Variants in RNF19B observed in about 807,000 individuals in gnomAD.
RNF19B encodes the protein ring finger protein 19B.
A neutral mutation model predicts 65.5 loss-of-function variants in RNF19B; 23 were observed. That is an observed-to-expected ratio of 0.35 (90% confidence interval 0.25 to 0.50). The LOEUF (loss-of-function observed/expected upper bound fraction) is 0.50, where lower values mean the gene tolerates loss of function less well. RNF19B is among the 20% of genes least tolerant of loss of function. The probability of loss-of-function intolerance (pLI) is 0.98; values close to 1 mark genes in which losing one functional copy is unlikely to be tolerated. For missense variants in RNF19B, 794 were observed against 980.0 expected, an observed-to-expected ratio of 0.81 and a Z score of 2.53; for synonymous variants, 372 against 379.6, an observed-to-expected ratio of 0.98 and a Z score of 0.23.
intron 7 of RNF19B, among the ~76,000 whole-genome samples, chr1:32,939,751 T>C (rs1642188721): frequency 2.0e-5 from 3 of 152,354 alleles, no homozygotes; most frequent in South Asian, 4.1e-4. Context: ...TATTTCCTTA[T>C]AATGGGTTTC....
rs776423739 is a variant in RNF19B at position 32,945,622 on chromosome 1, T to C, written c.1153A>G (p.Ser385Gly). The part of the protein sequence containing the change: ...IPVYVGRKIH[S>G]RYEGRKTSKH... ...GAGGTTTTCCTTCCCTCATACCTGCTGTGAATCTAAGAATAAAAAAAGAAA... is the reference window on the plus strand; with the variant it reads ...GAGGTTTTCCTTCCCTCATACCTGCCGTGAATCTAAGAATAAAAAAAGAAA... Residue 385 changes from serine (S) to glycine (G), a missense_variant, in exon 5 of 9, where the codon AGC (serine) becomes GGC (glycine). Transcript: ENST00000235150. 6.3e-7 allele frequency: 1 copy of C among 1,599,492 alleles called. No individual in the cohort carries two copies. Among genetic ancestry groups the C allele is most frequent in the African/African-American group, 1.3e-5 (1 of 74,798 alleles).
At position 32,948,360 on chromosome 1, in the gene RNF19B, T is replaced by C; in HGVS notation, c.845A>G (p.Asp282Gly). ...ACTGCATCGTGGGCATGGCTTGATGTCATCTGCTATGAGTGGGGGAAGAAT... is the reference window on the plus strand; with the variant it reads ...ACTGCATCGTGGGCATGGCTTGATGCCATCTGCTATGAGTGGGGGAAGAAT... Reference protein sequence around the residue: ...LSYGQESGPDDIKPCPRCSAY... With the variant: ...LSYGQESGPDGIKPCPRCSAY... The change falls in exon 3 of 9, where the codon GAC (aspartate) becomes GGC (glycine). Residue 282 changes from aspartate (D) to glycine (G), a missense_variant. Asp to Gly is a moderately conservative substitution (Grantham distance 94, BLOSUM62 -1). This residue lies in a region of RNF19B where 374 missense variants were observed against 423.8 expected (regional missense o/e 0.88). Transcript: ENST00000235150. 6.2e-7 allele frequency: 1 copy of C among 1,612,644 alleles called. No homozygotes were observed. Among genetic ancestry groups the C allele is most frequent in the Non-Finnish European group, 8.5e-7 (1 of 1,179,096 alleles).
intron 6 of RNF19B, among the ~76,000 whole-genome samples, chr1:32,942,704 A>G (rs1570088231): frequency 2.0e-5 from 3 of 152,252 alleles, no homozygotes; most frequent in African/African-American, 7.2e-5. Context: ...GTCCAAGGCC[A>G]TGGTAGTTAC....
intron 8 of RNF19B, among the ~76,000 whole-genome samples, chr1:32,937,734 G>A (rs983524597): frequency 1.3e-5 from 2 of 152,042 alleles, no homozygotes; most frequent in East Asian, 3.9e-4. Flanking sequence ...AAAAATAAAT[G>A]AGATGGAGAA....
chr1:32,943,870 G>A, intron 6 of RNF19B, 149 bp downstream of exon 6: 1 of 797,214 alleles, frequency 1.3e-6, no homozygotes. Flanking sequence ...TTGGAACAAA[G>A]AAATGAAAAG....
rs1642859583 is a variant in RNF19B, at chr1:32,964,541, G to A, written c.145C>T (p.Arg49Trp). The change falls in exon 1 of 9, where the codon CGG becomes TGG. Residue 49 changes from arginine to tryptophan, a missense_variant. By Grantham distance (101) the Arg-to-Trp change is moderately radical (BLOSUM62 -3). Around this residue, in one of 3 missense-constraint regions of RNF19B, gnomAD observed 374 missense variants for 423.8 expected, o/e 0.88. Coordinates refer to ENST00000235150, the MANE Select transcript of RNF19B (RefSeq NM_001300826.2). The surrounding 1 kb of genome is among the most constrained non-coding windows in gnomAD (Gnocchi z 6.5). ...FSASARGRRA[R>W]AKPQAEPPPP... ...GGCGGCTCGGCCTGCGGCTTGGCCC[G>A]GGCGCGGCGGCCGCGGGCCGAGGCA... 2.5e-6 allele frequency: 3 copies of A among 1,193,444 alleles called. No homozygotes were observed. The highest frequency in any genetic ancestry group is 3.3e-5 in the African/African-American group (2 of 61,214). The allele number at this position is 1,193,444 out of a possible 1,614,324, so 73.9% of individuals were successfully genotyped here.
chr1:32,936,980 G>A lies in RNF19B; in HGVS notation c.2022C>T (p.Asp674=), dbSNP rs773164054. 20 of 1,614,132 alleles carry A rather than the reference G, an allele frequency of 1.2e-5. No individual in the cohort carries two copies. The highest frequency in any genetic ancestry group is 2.2e-5 in the South Asian group (2 of 91,080). ...CATCTGAGGTGATGTCTGGCACATC[G>A]TCTGACTGTGCATCAGAACTCTCTA... ...SDLESSDAQS[D]DVPDITSDEC... Residue 674 remains aspartate (D), a synonymous_variant, in exon 9 of 9, where the codon GAC becomes GAT. Transcript: ENST00000235150.
rs912567797 is a variant in RNF19B, at chr1:32,964,507, G to C, written c.179C>G (p.Ala60Gly). 1.0e-5 allele frequency: 10 copies of C among 961,582 alleles called. No individual in the cohort carries two copies. The African/African-American group carries it at 1.8e-4, about 17-fold the overall frequency. The allele number at this position is 961,582 out of a possible 1,614,324, so 59.6% of individuals were successfully genotyped here. A position where few individuals can be genotyped will look rare whatever the true frequency, so the allele number is the denominator to read the frequency against. ...GGCCGGGGCGGGCGGCGGCTGCGCA[G>C]CCGGGGGCGGCGGCTCGGCCTGCGG... Reference protein sequence around the residue: ...AKPQAEPPPPAAQPPPAPAPA... With the variant: ...AKPQAEPPPPGAQPPPAPAPA... Residue 60 changes from alanine to glycine, a missense_variant, in exon 1 of 9, where the codon GCT becomes GGT. Physicochemically the swap from Ala to Gly is moderately conservative, Grantham distance 60. Transcript: ENST00000235150. The surrounding 1 kb of genome is among the most constrained non-coding windows in gnomAD (Gnocchi z 6.5).
chr1:32,943,213 G>A (rs1391793536), intron 6 of RNF19B, among the ~76,000 whole-genome samples: 5 of 151,816 alleles, frequency 3.3e-5, no homozygotes, highest in African/African-American at 9.7e-5. Context: ...TGTGCCCTAC[G>A]TTACTTACTA....
At chr1:32,949,486 T>C (rs776135467) in intron 2 of RNF19B, 83 bp downstream of exon 2, 95 of 1,188,346 alleles carry the variant, frequency 8.0e-5, no homozygotes, top group Non-Finnish European at 1.1e-4. Flanking sequence ...ACTTGGGTTA[T>C]ACAATAAGAT....
intron 7 of RNF19B, 82 bp downstream of exon 7, chr1:32,942,170 C>A (rs1019275504): frequency 1.8e-6 from 2 of 1,133,866 alleles, no homozygotes; most frequent in Non-Finnish European, 1.3e-6. Flanking sequence ...ATACGTGGCA[C>A]AAGCCTGGCA....
intron 7 of RNF19B, among the ~76,000 whole-genome samples, chr1:32,939,226 C>CA (rs1430098229): frequency 1.3e-5 from 2 of 152,280 alleles, no homozygotes; most frequent in East Asian, 3.9e-4. Flanking sequence ...CTCACTCTGT[C>CA]ACCCAGGCTG....
In RNF19B at chr1:32,944,069, T is replaced by C. The variant is rs755123634; in HGVS notation, c.1352A>G (p.Asn451Ser). ...RGGGCGVSTA[N>S]GKGVKIEFDE... ...AAATTCAATTTTCACTCCTTTTCCG[T>C]TGGCTGTGCTAACTCCACAGCCGCC... The change falls in exon 6 of 9, where the codon AAC (asparagine) becomes AGC (serine). Residue 451 changes from asparagine (N) to serine (S), a missense_variant. By Grantham distance (46) the Asn-to-Ser change is conservative. Transcript: ENST00000235150. The C allele has an allele frequency of 1.2e-5, 19 of 1,613,576 alleles. No homozygotes were observed. Among genetic ancestry groups the C allele is most frequent in the Middle Eastern group, 1.6e-4 (1 of 6,084 alleles).
chr1:32,964,791 C>T lies in RNF19B; in HGVS notation c.-106G>A, dbSNP rs1013024337. The T allele has an allele frequency of 4.6e-6, 5 of 1,080,032 alleles. No individual in the cohort carries two copies. In the African/African-American group the frequency reaches 6.8e-5, roughly 15 times the overall value. 66.9% of individuals were successfully genotyped at this position (1,080,032 alleles called of 1,614,324 possible). A position where few individuals can be genotyped will look rare whatever the true frequency, so the allele number is the denominator to read the frequency against. ...GCCGCCGACGCCGCCACCACCGCCT[C>T]AACCGCCCTCCCGGCGATAGAAGCC... is the stretch of plus-strand genomic sequence containing the variant. On this transcript the variant is annotated 5_prime_UTR_variant, in exon 1 of 9. Transcript: ENST00000235150. This position sits in a 1 kb window ranked among gnomAD's most constrained non-coding sequence, Gnocchi z 6.5.
chr1:32,951,298 G>T (rs1204047621), intron 1 of RNF19B, among the ~76,000 whole-genome samples: 1 of 152,206 alleles, frequency 6.6e-6, no homozygotes, highest in Non-Finnish European at 1.5e-5. Flanking sequence ...CCCACGTCAG[G>T]CATAGCAGTT....
At position 32,936,457 on chromosome 1, in the gene RNF19B, T is replaced by C. The variant is rs1162300800; in HGVS notation, c.*349A>G. ...AAGGAAAATGAGGTAAGTTGAATTA[T>C]GACAGAAATCTTTATTAAAATGTGT... On this transcript the variant is annotated 3_prime_UTR_variant, in exon 9 of 9. Coordinates refer to ENST00000235150, the MANE Select transcript of RNF19B (RefSeq NM_001300826.2). 5.8e-6 allele frequency: 1 copy of C among 172,486 alleles called. No individual in the cohort carries two copies. Among genetic ancestry groups the C allele is most frequent in the Non-Finnish European group, 1.2e-5 (1 of 81,708 alleles). The allele number at this position is 172,486 out of a possible 1,614,324, so 10.7% of individuals were successfully genotyped here. A position where few individuals can be genotyped will look rare whatever the true frequency, so the allele number is the denominator to read the frequency against.
chr1:32,929,311 C>T, the RNF19B span, among the ~76,000 whole-genome samples: 2 of 152,308 alleles, frequency 1.3e-5, no homozygotes, highest in African/African-American at 2.4e-5. Flanking sequence ...GGGGGCCACC[C>T]TATGCCAATA....
At chr1:32,942,532 G>A (rs903376777) in intron 6 of RNF19B, 73 bp from the exon 7 acceptor site, 4 of 1,291,498 alleles carry the variant, frequency 3.1e-6, no homozygotes, top group Admixed American at 1.9e-5. Flanking sequence ...TTCCTGCAAT[G>A]ACTTTTCAGA....
the RNF19B span, among the ~76,000 whole-genome samples, chr1:32,930,890 C>T: frequency 6.6e-6 from 1 of 152,162 alleles, no homozygotes. Context: ...GAGTTCAAGA[C>T]CAGCCTGGCC....
Sources: allele counts gnomAD v4.1 joint callset (sites outside exome capture counted in the v4.1 genomes callset), GRCh38; gene constraint gnomAD v4.1.1; regional missense constraint gnomAD v4.1.1; non-coding constraint Gnocchi (gnomAD v3.1); transcripts MANE v1.5; gene names NCBI Gene and HGNC (gene_info 2026-07-23, HGNC 2026-07-21).